STAG3: variants seen among roughly 807,000 people sequenced by gnomAD.
STAG3 encodes STAG3 cohesin complex component.
Under a neutral mutation model 160.7 loss-of-function variants are expected in STAG3, and 101 were observed. The observed-to-expected ratio is 0.63, with a 90% CI of 0.54 to 0.74. The LOEUF is 0.74. Among genes scored for constraint, STAG3 ranks in the 30% least tolerant of loss-of-function variants. STAG3 has a pLI of 0.00. For synonymous variants in STAG3, 519 were observed against 585.0 expected, an observed-to-expected ratio of 0.89 and a Z score of 1.63; for missense variants, 1,188 against 1,517.4, an observed-to-expected ratio of 0.78 and a Z score of 3.61.
chr7:100,204,548 G>A, intron 26 of STAG3, 79 bp from the exon 27 acceptor site: 3 of 1,542,818 alleles, frequency 1.9e-6, no homozygotes, highest in Non-Finnish European at 2.6e-6. Flanking sequence ...GAATTTCTGA[G>A]TAGAGAAGAG....
At chr7:100,205,426 T>A (rs371777894) in intron 29 of STAG3, 42 bp downstream of exon 29, 64 of 1,545,820 alleles carry the variant, frequency 4.1e-5, no homozygotes, top group Non-Finnish European at 5.2e-5. Context: ...CAGCAGGTGG[T>A]CGTTGGCTGC....
chr7:100,201,014 G>A, intron 19 of STAG3, 45 bp downstream of exon 19: 1 of 1,614,018 alleles, frequency 6.2e-7, no homozygotes, highest in South Asian at 1.1e-5. Context: ...ACAAGGGTGG[G>A]AGGGGCTGCA....
chr7:100,197,931 A>C (rs1023786320), intron 11 of STAG3, 55 bp downstream of exon 11: 4 of 1,553,988 alleles, frequency 2.6e-6, no homozygotes, highest in Non-Finnish European at 3.6e-6. Context: ...CTATTTCCCC[A>C]CCTTGTATCT....
chr7:100,213,705 C>A (rs753612536), intron 32 of STAG3, 30 bp from the exon 33 acceptor site: 3 of 1,614,032 alleles, frequency 1.9e-6, no homozygotes, highest in Admixed American at 1.7e-5. Context: ...GTGTAAAGGC[C>A]TTTTTGACTT....
chr7:100,204,664 G>A lies in STAG3; in HGVS notation c.2840G>A (p.Gly947Asp), dbSNP rs146490088. 3.9e-5 allele frequency: 63 copies of A among 1,614,166 alleles called. No individual in the cohort carries two copies. Among genetic ancestry groups the A allele is most frequent in the Non-Finnish European group, 5.1e-5 (60 of 1,180,036 alleles). The change falls in exon 27 of 34, where the codon GGC becomes GAC. Residue 947 changes from glycine to aspartate, a missense_variant. By Grantham distance (94) the Gly-to-Asp change is moderately conservative. Coordinates refer to ENST00000615138, the MANE Select transcript of STAG3 (RefSeq NM_001282717.2). ...TELLQEHGPQ[G>D]LNELPAFIEM... Reference sequence around the variant, plus strand: ...CTGCTGCAGGAGCATGGGCCCCAGGGCCTGAATGAGCTTCCTGCCTTCATC... The same window carrying A: ...CTGCTGCAGGAGCATGGGCCCCAGGACCTGAATGAGCTTCCTGCCTTCATC...
At chr7:100,183,564 A>C (rs1271739387) in intron 4 of STAG3, among the ~76,000 whole-genome samples, 1 of 152,226 alleles carries the variant, frequency 6.6e-6, no homozygotes, top group Non-Finnish European at 1.5e-5. Context: ...ATGTAGTTTA[A>C]AAAATAAAAA....
intron 12 of STAG3, 144 bp from the exon 13 acceptor site, chr7:100,198,331 C>G: frequency 9.1e-7 from 1 of 1,098,696 alleles, no homozygotes; most frequent in East Asian, 2.4e-5. Flanking sequence ...TCTAACTCCC[C>G]ATACTCCTTT....
chr7:100,200,818 C>A lies in STAG3; in HGVS notation c.1910C>A (p.Ala637Glu), dbSNP rs763620207. ...CTCCAGGAGGTGGTGGTGAAGCATG[C>A]AGAGCCAGCGGTGCTTGAGGCTGGG... ...QQLQEVVVKHAEPAVLEAGAH... is the reference protein window; with the variant it reads ...QQLQEVVVKHEEPAVLEAGAH... Residue 637 changes from alanine (A) to glutamate (E), a missense_variant, in exon 19 of 34, where the codon GCA (alanine) becomes GAA (glutamate). Around this residue, in one of 4 missense-constraint regions of STAG3, gnomAD observed 240 missense variants for 358.1 expected, o/e 0.67. Coordinates refer to ENST00000615138, the MANE Select transcript of STAG3 (RefSeq NM_001282717.2). 1 of 1,614,212 alleles carries A rather than the reference C, an allele frequency of 6.2e-7. No homozygotes were observed. The highest frequency in any genetic ancestry group is 1.7e-5 in the Admixed American group (1 of 60,028).
rs773395738 is a variant in STAG3, at chr7:100,202,506, C to T, written c.2616C>T (p.Arg872=). 29 of 1,614,052 alleles carry T rather than the reference C, an allele frequency of 1.8e-5. No homozygotes were observed. Among genetic ancestry groups the T allele is most frequent in the Middle Eastern group, 1.6e-4 (1 of 6,084 alleles). ...TAGAGCGGCTACACCAGCGGCGCCG[C>T]CTCCTAGCCGGGTTCTGCAAGCTGT... ...LQIERLHQRR[R]LLAGFCKLLL... is the part of the protein sequence containing the mutation. The change falls in exon 25 of 34, where the codon CGC becomes CGT. Residue 872 remains arginine, a synonymous_variant. Transcript: ENST00000615138.
In STAG3 at chr7:100,211,339, A is replaced by T. The variant is rs531965284; in HGVS notation, c.3414-96A>T. The T allele has an allele frequency of 3.4e-5, 51 of 1,497,970 alleles. No homozygotes were observed. The African/African-American group carries it at 3.6e-4, about 11-fold the overall frequency. The allele number at this position is 1,497,970 out of a possible 1,614,324, so 92.8% of individuals were successfully genotyped here. On this transcript the variant is annotated intron_variant, in intron 30 of 33. Transcript: ENST00000615138. ...TCTCCATTGTTTAGCTTTAAAATGC[A>T]TCTCTCTGAGCTTTTCTCCCCATTA...
At chr7:100,205,534 T>TA (rs1291141869) in intron 29 of STAG3, 150 bp downstream of exon 29, 1 of 925,334 alleles carries the variant, frequency 1.1e-6, no homozygotes, top group African/African-American at 1.7e-5. Flanking sequence ...AAACCTGTAT[T>TA]AAAAATCAAA....
chr7:100,184,492 G>A (rs1584656725), intron 4 of STAG3, among the ~76,000 whole-genome samples: 1 of 99,482 alleles, frequency 1.0e-5, no homozygotes. Context: ...TTTTTGAGAC[G>A]GAGTCTTGTT....
At chr7:100,196,611 G>A (rs1800708342) in intron 9 of STAG3, among the ~76,000 whole-genome samples, 1 of 152,164 alleles carries the variant, frequency 6.6e-6, no homozygotes, top group Non-Finnish European at 1.5e-5. Flanking sequence ...GGCCAACATG[G>A]CAAAACCCCG....
intron 1 of STAG3, among the ~76,000 whole-genome samples, chr7:100,179,509 T>C (rs1043795610): frequency 6.6e-6 from 1 of 151,984 alleles, no homozygotes; most frequent in Admixed American, 6.6e-5. Context: ...ACAAGTATGA[T>C]CTACCACACC....
At chr7:100,214,833 C>T (rs1802624048), downstream of STAG3, 1 of 152,100 alleles carries the variant, frequency 6.6e-6, no homozygotes, top group South Asian at 2.1e-4. Context: ...CTCTAAATGT[C>T]CAACCCTAAA....
intron 12 of STAG3, 119 bp downstream of exon 12, chr7:100,198,285 G>A (rs1215220253): frequency 9.1e-7 from 1 of 1,094,482 alleles, no homozygotes; most frequent in African/African-American, 1.5e-5. Context: ...TCATTCCTGA[G>A]TTGCAGTATG....
chr7:100,201,206 T>G (rs1313107226), intron 20 of STAG3, 46 bp downstream of exon 20: 3 of 1,613,770 alleles, frequency 1.9e-6, no homozygotes, highest in Non-Finnish European at 2.5e-6. Context: ...TACTGGTGTC[T>G]GTGGAGTTGG....
At chr7:100,213,423 C>T in intron 32 of STAG3, 1 of 985,432 alleles carries the variant, frequency 1.0e-6, no homozygotes, top group Non-Finnish European at 1.2e-6. Context: ...AGAAACCAAA[C>T]AATGATACCT....
At chr7:100,215,377 T>G (rs544624628), downstream of STAG3, among the ~76,000 whole-genome samples, 45 of 151,916 alleles carry the variant, frequency 3.0e-4, 1 homozygote, top group Admixed American at 1.2e-3. Flanking sequence ...ATGAAAGCTA[T>G]AAGAAATTGG....
Sources: gnomAD v4.1 joint callset for allele counts (sites outside exome capture counted in the v4.1 genomes callset) on GRCh38, gnomAD v4.1.1 for gene constraint, gnomAD v4.1.1 regional missense constraint, MANE v1.5 for transcripts, NCBI Gene and HGNC (gene_info 2026-07-23, HGNC 2026-07-21) for gene names.